TSHZ2: variants seen among roughly 807,000 people sequenced by gnomAD.
The protein encoded by TSHZ2 is teashirt zinc finger homeobox 2, also known as teashirt homolog 2.
Under a neutral mutation model 74.4 loss-of-function variants are expected in TSHZ2, and 21 were observed. The observed-to-expected ratio is 0.28, with a 90% confidence interval of 0.20 to 0.41. TSHZ2 has a LOEUF of 0.41. Among genes scored for constraint, TSHZ2 ranks in the 10% least tolerant of loss-of-function variants. The pLI, the probability that TSHZ2 is intolerant of heterozygous loss-of-function variation, is 1.00. For synonymous variants in TSHZ2, 540 were observed against 515.3 expected, an observed-to-expected ratio of 1.05 and a Z score of -0.65; for missense variants, 1,244 against 1,293.5, an observed-to-expected ratio of 0.96 and a Z score of 0.59.
intron 2 of TSHZ2, among the ~76,000 whole-genome samples, chr20:53,325,668 T>G (rs1979457762): frequency 1.7e-5 from 2 of 120,746 alleles, no homozygotes; most frequent in Admixed American, 7.9e-5. Flanking sequence ...CTGCTTTGTT[T>G]GTTGTTTGTT....
At chr20:53,258,184 T>C (rs1990522384) in intron 2 of TSHZ2, among the ~76,000 whole-genome samples, 1 of 152,232 alleles carries the variant, frequency 6.6e-6, no homozygotes. Flanking sequence ...GAATGTGTTA[T>C]TGGCAGATTC....
intron 2 of TSHZ2, among the ~76,000 whole-genome samples, chr20:53,331,862 CAAGG>C (rs1202564325): frequency 2.0e-5 from 3 of 151,974 alleles, no homozygotes; most frequent in Non-Finnish European, 4.4e-5. Flanking sequence ...CTTGATGGGC[CAAGG>C]GGAATGGATG....
chr20:53,203,974 G>T (rs150840537), intron 1 of TSHZ2, among the ~76,000 whole-genome samples: 8 of 151,312 alleles, frequency 5.3e-5, no homozygotes, highest in Non-Finnish European at 1.0e-4. Context: ...AACTTGAAAG[G>T]CTTAGTCCAA....
chr20:53,492,078 A>AAC lies in TSHZ2; in HGVS notation c.*4944_*4945insCA, dbSNP rs982234011. The AAC allele has an allele frequency of 2.6e-5, 4 of 151,812 alleles. No homozygotes were observed. Among genetic ancestry groups the AAC allele is most frequent in the Non-Finnish European group, 4.4e-5 (3 of 67,952 alleles). 9.4% of individuals were successfully genotyped at this position (151,812 alleles called of 1,614,324 possible). On this transcript the variant is annotated 3_prime_UTR_variant, in exon 3 of 3. Transcript: ENST00000371497. Reference sequence around the variant, plus strand: ...TGAACAAAGGCATTACAAAAAAAAAAAAAAAACTAACCACTCCATTCAACT... The same window carrying AAC: ...TGAACAAAGGCATTACAAAAAAAAAAACAAAAAACTAACCACTCCATTCAACT...
rs1449206662 is a variant in TSHZ2 at position 53,235,138 on chromosome 20, G to T, written c.41-18361G>T. Among the ~76,000 whole-genome samples the T allele has an allele frequency of 4.9e-3, 140 of 28,706 alleles. 1 individual carries two copies. In the African/African-American group the frequency reaches 0.061, roughly 12 times the overall value. 18.8% of individuals were successfully genotyped at this position (28,706 alleles called of 152,430 possible). On this transcript the variant is annotated intron_variant, in intron 1 of 2. Transcript: ENST00000371497. ...TGAGCTTGGTTTTGTTGGGCGGGGCGGGGGGGGGGGAATGGGGGAGGGCGT... is the reference window on the plus strand; with the variant it reads ...TGAGCTTGGTTTTGTTGGGCGGGGCTGGGGGGGGGGAATGGGGGAGGGCGT...
At chr20:53,387,194 G>A (rs1982080427) in intron 2 of TSHZ2, among the ~76,000 whole-genome samples, 1 of 152,138 alleles carries the variant, frequency 6.6e-6, no homozygotes, top group Non-Finnish European at 1.5e-5. Context: ...AGCTCCACGG[G>A]ATCTCACTTT....
intron 1 of TSHZ2, among the ~76,000 whole-genome samples, chr20:53,228,327 G>T (rs1240568131): frequency 6.6e-6 from 1 of 152,130 alleles, no homozygotes; most frequent in Admixed American, 6.6e-5. Context: ...TGTTTGAATG[G>T]AACTTCACAA....
At chr20:53,435,251 A>G (rs1984002810) in intron 2 of TSHZ2, among the ~76,000 whole-genome samples, 1 of 152,164 alleles carries the variant, frequency 6.6e-6, no homozygotes, top group South Asian at 2.1e-4. Context: ...CAGATTCTAG[A>G]GCAAGATGCT....
intron 1 of TSHZ2, among the ~76,000 whole-genome samples, chr20:53,043,016 A>G (rs1179201963): frequency 6.6e-6 from 1 of 152,222 alleles, no homozygotes; most frequent in African/African-American, 2.4e-5. Flanking sequence ...AGTAGGCAGA[A>G]CCTCTAAATA....
intron 2 of TSHZ2, among the ~76,000 whole-genome samples, chr20:53,390,597 A>G (rs1269146300): frequency 1.3e-5 from 2 of 152,236 alleles, no homozygotes; most frequent in South Asian, 2.1e-4. Flanking sequence ...CAGTGCTCCA[A>G]TAAACATACA....
intron 1 of TSHZ2, among the ~76,000 whole-genome samples, chr20:53,187,304 G>C (rs531085717): frequency 6.6e-6 from 1 of 152,254 alleles, no homozygotes; most frequent in South Asian, 2.1e-4. Flanking sequence ...TTCTGAGCAG[G>C]TATCGATTGT....
chr20:53,013,315 T>C (rs1982922946), intron 1 of TSHZ2, among the ~76,000 whole-genome samples: 1 of 152,178 alleles, frequency 6.6e-6, no homozygotes, highest in South Asian at 2.1e-4. Context: ...TATGAAACTC[T>C]CACATCCCTA....
chr20:53,068,562 C>T (rs2123189323), intron 1 of TSHZ2, among the ~76,000 whole-genome samples: 1 of 152,276 alleles, frequency 6.6e-6, no homozygotes, highest in African/African-American at 2.4e-5. Flanking sequence ...ATAGCTCTTC[C>T]ATGGCACTGA....
intron 1 of TSHZ2, among the ~76,000 whole-genome samples, chr20:53,042,082 C>T (rs772100527): frequency 1.3e-5 from 2 of 152,122 alleles, no homozygotes; most frequent in Admixed American, 6.5e-5. Context: ...ATGACATTCT[C>T]TTATATAAAT....
chr20:53,096,129 TTTTG>T (rs760418874), intron 1 of TSHZ2, among the ~76,000 whole-genome samples: 2 of 152,066 alleles, frequency 1.3e-5, no homozygotes, highest in African/African-American at 2.4e-5. Flanking sequence ...CCTCTGTGTT[TTTTG>T]TTTGTCTGTT....
chr20:53,348,205 C>T (rs1170503849), intron 2 of TSHZ2, among the ~76,000 whole-genome samples: 3 of 152,166 alleles, frequency 2.0e-5, no homozygotes, highest in African/African-American at 7.2e-5. Flanking sequence ...TATGAGTGTT[C>T]CTAGAAGCAC....
chr20:53,325,891 C>T (rs551397170), intron 2 of TSHZ2, among the ~76,000 whole-genome samples: 76 of 152,280 alleles, frequency 5.0e-4, no homozygotes, highest in Non-Finnish European at 9.6e-4. Context: ...AAGCGATTCT[C>T]CTGCCCCAGC....
intron 2 of TSHZ2, among the ~76,000 whole-genome samples, chr20:53,454,842 C>T (rs994705100): frequency 4.6e-5 from 7 of 152,110 alleles, no homozygotes; most frequent in African/African-American, 1.4e-4. Context: ...TACCCTCAGG[C>T]CTTGCAGACA....
chr20:53,099,124 T>G (rs1376733077), intron 1 of TSHZ2, among the ~76,000 whole-genome samples: 1 of 152,082 alleles, frequency 6.6e-6, no homozygotes, highest in East Asian at 1.9e-4. Flanking sequence ...TAAGAGGTAA[T>G]GGAATGATCT....
Sources: allele counts gnomAD v4.1 joint callset (sites outside exome capture counted in the v4.1 genomes callset), GRCh38; gene constraint gnomAD v4.1.1; transcripts MANE v1.5; gene names NCBI Gene and HGNC (gene_info 2026-07-23, HGNC 2026-07-21).